ADGRV1: variants seen among roughly 807,000 people sequenced by gnomAD.
ADGRV1 encodes G-protein coupled receptor 98.
A neutral mutation model predicts 596.2 loss-of-function variants in ADGRV1; 359 were observed. That is an observed-to-expected ratio of 0.60 (90% CI 0.55 to 0.66). ADGRV1 has a LOEUF of 0.66. Among genes scored for constraint, ADGRV1 ranks in the 30% least tolerant of loss-of-function variants. The probability of loss-of-function intolerance (pLI) is 0.00; values close to 1 mark genes in which losing one functional copy is unlikely to be tolerated. For synonymous variants in ADGRV1, 2,681 were observed against 2,679.2 expected (o/e 1.00, Z -0.02); for missense variants, 7,274 against 7,575.6 (o/e 0.96, Z 1.48).
chr5:90,851,056 G>A (rs1317994440), intron 79 of ADGRV1, among the ~76,000 whole-genome samples: 1 of 150,018 alleles, frequency 6.7e-6, no homozygotes, highest in Non-Finnish European at 1.5e-5. Flanking sequence ...TATGTTTGGG[G>A]AGCTCATCAG....
intron 85 of ADGRV1, among the ~76,000 whole-genome samples, chr5:91,022,017 C>T (rs1783674218): frequency 6.6e-6 from 1 of 151,946 alleles, no homozygotes; most frequent in African/African-American, 2.4e-5. Context: ...TCGAGAGTAT[C>T]AATATAGTGA....
intron 87 of ADGRV1, among the ~76,000 whole-genome samples, chr5:91,146,589 T>C (rs1795552233): frequency 6.6e-6 from 1 of 152,206 alleles, no homozygotes; most frequent in African/African-American, 2.4e-5. Context: ...TCAAATGAGA[T>C]AAGTAGGTGA....
chr5:90,979,033 G>A (rs1354126960), intron 84 of ADGRV1, among the ~76,000 whole-genome samples: 1 of 151,826 alleles, frequency 6.6e-6, no homozygotes, highest in Non-Finnish European at 1.5e-5. Context: ...AAAAAATGAA[G>A]ATACAGAACA....
chr5:90,779,178 C>A (rs752431491), intron 64 of ADGRV1, 81 bp downstream of exon 64: 20 of 787,516 alleles, frequency 2.5e-5, no homozygotes, highest in Non-Finnish European at 4.1e-5. Context: ...GAGATTAATA[C>A]TGAGCTCTAA....
intron 77 of ADGRV1, among the ~76,000 whole-genome samples, chr5:90,830,194 G>GTT (rs1764406744): frequency 6.6e-6 from 1 of 152,084 alleles, no homozygotes; most frequent in Admixed American, 6.6e-5. Context: ...CTGAAAGTTT[G>GTT]CCAGGCAGTA....
intron 9 of ADGRV1, among the ~76,000 whole-genome samples, chr5:90,632,014 A>T (rs1279286375): frequency 6.6e-6 from 1 of 152,072 alleles, no homozygotes; most frequent in Non-Finnish European, 1.5e-5. Flanking sequence ...TGTGGGATTC[A>T]ATTTTTTGAG....
At chr5:90,995,489 A>T (rs1781338500) in intron 85 of ADGRV1, among the ~76,000 whole-genome samples, 1 of 152,158 alleles carries the variant, frequency 6.6e-6, no homozygotes, top group Non-Finnish European at 1.5e-5. Context: ...ACTGTGAGTT[A>T]ATTAAACCTA....
intron 87 of ADGRV1, among the ~76,000 whole-genome samples, chr5:91,106,232 A>G (rs377306203): frequency 1.3e-5 from 2 of 152,016 alleles, no homozygotes; most frequent in East Asian, 1.9e-4. Context: ...CCTTTCCCCA[A>G]TTAATGTTCT....
chr5:91,054,071 T>TTGTGTGTGTG (rs769226492), intron 85 of ADGRV1, among the ~76,000 whole-genome samples: 5 of 133,142 alleles, frequency 3.8e-5, no homozygotes, highest in African/African-American at 1.2e-4. Context: ...CTGTGTGTGT[T>TTGTGTGTGTG]TGTGTGTGTG....
Position 90,783,259 on chromosome 5 carries a change from C to G in ADGRV1, c.13367C>G (p.Thr4456Arg), listed in dbSNP as rs981669644. ...GGVDYILHGSTVTFQHGQNLS... is the reference protein window; with the variant it reads ...GGVDYILHGSRVTFQHGQNLS... ...GTTGATTACATTTTGCATGGCAGTA[C>G]AGTCACCTTTCAGCATGGGCAAAAC... Residue 4456 changes from threonine (T) to arginine (R), a missense_variant, in exon 66 of 90, where the codon ACA becomes AGA. Thr to Arg is a moderately conservative substitution (Grantham distance 71, BLOSUM62 -1). Coordinates refer to ENST00000405460, the MANE Select transcript of ADGRV1 (RefSeq NM_032119.4). 2.5e-6 allele frequency: 4 copies of G among 1,613,546 alleles called. No individual in the cohort carries two copies. Among genetic ancestry groups the G allele is most frequent in the Non-Finnish European group, 2.5e-6 (3 of 1,179,548 alleles).
At chr5:90,841,013 G>T in intron 78 of ADGRV1, 28 bp downstream of exon 78, 2 of 1,397,298 alleles carry the variant, frequency 1.4e-6, no homozygotes, top group East Asian at 2.4e-5. Flanking sequence ...TTAGTAATTT[G>T]TTTAGTGAAA....
intron 84 of ADGRV1, among the ~76,000 whole-genome samples, chr5:90,978,030 C>T (rs1200772267): frequency 6.6e-6 from 1 of 152,122 alleles, no homozygotes. Flanking sequence ...GGCACGGTAG[C>T]TCAAGCCTGT....
intron 83 of ADGRV1, among the ~76,000 whole-genome samples, chr5:90,917,890 A>T (rs375745557): frequency 1.3e-5 from 2 of 152,020 alleles, no homozygotes; most frequent in Non-Finnish European, 2.9e-5. Context: ...CATTTTTTTT[A>T]AAGAAGCATT....
intron 27 of ADGRV1, among the ~76,000 whole-genome samples, chr5:90,682,968 G>C (rs1201237862): frequency 6.6e-6 from 1 of 152,130 alleles, no homozygotes; most frequent in Admixed American, 6.5e-5. Context: ...GTTTTAAAAT[G>C]AGTTTTACAG....
rs182418435 is a variant in ADGRV1, at chr5:90,563,868, T to C, written c.22+4951T>C. 7.2e-5 allele frequency among the ~76,000 whole-genome samples: 11 copies of C among 152,360 alleles called. No homozygotes were observed. In the East Asian group the frequency reaches 1.9e-3, roughly 27 times the overall value. On this transcript the variant is annotated intron_variant, in intron 1 of 89. Coordinates refer to ENST00000405460, the MANE Select transcript of ADGRV1 (RefSeq NM_032119.4). ...TGACAATTAGGTAGTATTAATATAC[T>C]TCATGTATACACTCATATTTCTCTG... is the stretch of plus-strand genomic sequence containing the variant.
intron 85 of ADGRV1, among the ~76,000 whole-genome samples, chr5:91,003,685 A>T (rs1782027996): frequency 6.6e-6 from 1 of 152,240 alleles, no homozygotes; most frequent in Admixed American, 6.5e-5. Flanking sequence ...CAAAAATTGG[A>T]TATTTCATGA....
Position 90,928,726 on chromosome 5 carries a change from C to A in ADGRV1, c.17857-36689C>A, listed in dbSNP as rs374031542. ...AGGCGCTCTGCTTTTTAGAGTTTCC[C>A]GTTTTTCTGTTCTGTTTTTTCCCCA... On this transcript the variant is annotated intron_variant, in intron 83 of 89. Coordinates refer to ENST00000405460, the MANE Select transcript of ADGRV1 (RefSeq NM_032119.4). Among the ~76,000 whole-genome samples the A allele has an allele frequency of 2.2e-3, 324 of 150,096 alleles. 2 individuals are homozygous for A. The highest frequency in any genetic ancestry group is 7.1e-3 in the African/African-American group (286 of 40,092).
In ADGRV1 at chr5:90,840,918, T is replaced by G. The variant is rs1765369063; in HGVS notation, c.16952T>G (p.Ile5651Ser). ...ATTCTCAACAGAGTGCTCCATACCA[T>G]CAGCATGAAAGTGGCCACAGAAAAC... is the stretch of plus-strand genomic sequence containing the variant. ...DDILNRVLHT[I>S]SMKVATENTD... The change falls in exon 78 of 90, where the codon ATC becomes AGC. Residue 5651 changes from isoleucine (I) to serine (S), a missense_variant. Around this residue, in one of 5 missense-constraint regions of ADGRV1, gnomAD observed 1,874 missense variants for 1,970.2 expected, o/e 0.95. Coordinates refer to ENST00000405460, the MANE Select transcript of ADGRV1 (RefSeq NM_032119.4). 1 of 1,539,722 alleles carries G rather than the reference T, an allele frequency of 6.5e-7. No individual in the cohort carries two copies. The highest frequency in any genetic ancestry group is 8.8e-7 in the Non-Finnish European group (1 of 1,140,386).
chr5:90,642,964 A>G lies in ADGRV1; in HGVS notation c.2476A>G (p.Thr826Ala), dbSNP rs764727406. ...PRDSNEFYGN[T>A]GVLEFKPGER... ...AGATAGCAATGAATTCTATGGAAAC[A>G]CGGGAGTACTAGAATTTAAACCTGG... The change falls in exon 13 of 90, where the codon ACG becomes GCG. Residue 826 changes from threonine to alanine, a missense_variant. This residue lies in a region of ADGRV1 where 1,715 missense variants were observed against 1,708.8 expected (regional missense o/e 1.00). Transcript: ENST00000405460. The G allele has an allele frequency of 6.2e-7, 1 of 1,613,526 alleles. No individual in the cohort carries two copies. Among genetic ancestry groups the G allele is most frequent in the African/African-American group, 1.3e-5 (1 of 74,920 alleles).
Sources: allele counts gnomAD v4.1 joint callset (sites outside exome capture counted in the v4.1 genomes callset), GRCh38; gene constraint gnomAD v4.1.1; regional missense constraint gnomAD v4.1.1; transcripts MANE v1.5; gene names NCBI Gene and HGNC (gene_info 2026-07-23, HGNC 2026-07-21).